Variants in RAI14 observed in about 807,000 individuals in gnomAD.
RAI14 encodes the protein ankycorbin.
Under a neutral mutation model 115.4 loss-of-function variants are expected in RAI14, and 45 were observed. The ratio of observed to expected loss-of-function variants is 0.39; its 90% confidence interval spans 0.31 to 0.50. The LOEUF is 0.50. Ranked by LOEUF, RAI14 falls within the 20% of genes least tolerant of loss-of-function variation. The probability of loss-of-function intolerance (pLI) is 0.85; values close to 1 mark genes in which losing one functional copy is unlikely to be tolerated. For missense variants in RAI14, 939 were observed against 1,131.2 expected (o/e 0.83, Z 2.44); for synonymous variants, 371 against 415.4 (o/e 0.89, Z 1.30).
In RAI14 at chr5:34,686,915, TAAA is replaced by T; in HGVS notation, c.-4_-2del. 4.3e-6 allele frequency: 7 copies of T among 1,613,752 alleles called. No individual in the cohort carries two copies. Among genetic ancestry groups the T allele is most frequent in the Non-Finnish European group, 5.9e-6 (7 of 1,179,804 alleles). ...TAGAGCTTTGGAAGGCTGAATGCAC[TAAA>T]CATGAAGAGCTTGAAAGCGAAGTTC... On this transcript the variant is annotated 5_prime_UTR_variant, in exon 2 of 18. It removes the in-frame stop codon of an upstream open reading frame in the 5' UTR. Transcript: ENST00000265109.
At chr5:34,801,110 G>A (rs1309620454) in intron 4 of RAI14, among the ~76,000 whole-genome samples, 1 of 152,166 alleles carries the variant, frequency 6.6e-6, no homozygotes, top group East Asian at 1.9e-4. Context: ...AATATAACAG[G>A]AGGAGGAGGA....
chr5:34,681,235 A>C (rs1744357892), intron 1 of RAI14, among the ~76,000 whole-genome samples: 1 of 152,222 alleles, frequency 6.6e-6, no homozygotes, highest in Non-Finnish European at 1.5e-5. Flanking sequence ...TTAAAATTCC[A>C]TTTTTGTTGC....
intron 2 of RAI14, among the ~76,000 whole-genome samples, chr5:34,756,088 C>T (rs1225848955): frequency 6.6e-6 from 1 of 152,196 alleles, no homozygotes; most frequent in East Asian, 1.9e-4. Flanking sequence ...CTGAGACGTT[C>T]AGAGATGCAA....
intron 2 of RAI14, chr5:34,732,966 G>C (rs1018814488): frequency 6.6e-6 from 1 of 151,996 alleles, no homozygotes; most frequent in African/African-American, 2.4e-5. Flanking sequence ...TGAGAGCCTG[G>C]AGAGTAACTT....
chr5:34,798,361 T>TGA, intron 4 of RAI14, among the ~76,000 whole-genome samples: 1 of 149,998 alleles, frequency 6.7e-6, no homozygotes, highest in East Asian at 1.9e-4. Context: ...TTTTTTTTTT[T>TGA]AATACATGCT....
intron 3 of RAI14, among the ~76,000 whole-genome samples, chr5:34,789,104 G>A (rs1752644227): frequency 6.6e-6 from 1 of 152,138 alleles, no homozygotes; most frequent in Non-Finnish European, 1.5e-5. Context: ...CCATGAGAGG[G>A]CACCAGTCAT....
chr5:34,736,858 A>G (rs1744940671), intron 2 of RAI14, among the ~76,000 whole-genome samples: 1 of 152,186 alleles, frequency 6.6e-6, no homozygotes, highest in African/African-American at 2.4e-5. Context: ...CTAGTGATTG[A>G]GTAATTCAGG....
intron 1 of RAI14, among the ~76,000 whole-genome samples, chr5:34,675,149 C>T (rs1186643043): frequency 6.6e-6 from 1 of 152,080 alleles, no homozygotes; most frequent in Non-Finnish European, 1.5e-5. Context: ...CCCACCCCTG[C>T]CTCCCAAAGT....
At chr5:34,671,200 A>G (rs1743595713) in intron 1 of RAI14, among the ~76,000 whole-genome samples, 1 of 152,098 alleles carries the variant, frequency 6.6e-6, no homozygotes, top group Non-Finnish European at 1.5e-5. Context: ...GGCACCAGGT[A>G]AAGGGGGTGA....
At chr5:34,811,590 A>AAAC (rs1367855932) in intron 8 of RAI14, among the ~76,000 whole-genome samples, 177 bp from the exon 9 acceptor site, 1 of 151,986 alleles carries the variant, frequency 6.6e-6, no homozygotes, top group Non-Finnish European at 1.5e-5. Flanking sequence ...TTTAAAAAAA[A>AAAC]AAAAAACCAC....
chr5:34,667,743 G>T (rs1743326030), intron 1 of RAI14, among the ~76,000 whole-genome samples: 1 of 152,096 alleles, frequency 6.6e-6, no homozygotes, highest in African/African-American at 2.4e-5. Flanking sequence ...GGTAAAAATT[G>T]GGAGTTCCAG....
At chr5:34,689,857 G>A (rs1738353144) in intron 2 of RAI14, among the ~76,000 whole-genome samples, 1 of 152,110 alleles carries the variant, frequency 6.6e-6, no homozygotes, top group East Asian at 1.9e-4. Context: ...TGGGCAACAA[G>A]AGTGAAACTC....
rs1320557871 is a variant in RAI14 at position 34,775,803 on chromosome 5, C to T, written c.167+18205C>T. On this transcript the variant is annotated intron_variant, in intron 3 of 17. Coordinates refer to ENST00000265109, the MANE Select transcript of RAI14 (RefSeq NM_015577.3). ...GCAAGGATATGGGGAAAAGGGAACC[C>T]TCATACACTGTTGGGGAGAATGTAA... Among the ~76,000 whole-genome samples the T allele has an allele frequency of 2.0e-5, 3 of 152,170 alleles. No individual in the cohort carries two copies. In the East Asian group the frequency reaches 5.8e-4, roughly 29 times the overall value.
intron 6 of RAI14, 100 bp downstream of exon 6, chr5:34,807,957 T>C: frequency 2.2e-6 from 2 of 922,404 alleles, no homozygotes; most frequent in Non-Finnish European, 1.8e-6. Flanking sequence ...TTCCTGGTGC[T>C]CTTTTCTGTC....
chr5:34,785,764 C>G (rs562515867), intron 3 of RAI14, among the ~76,000 whole-genome samples: 4 of 152,162 alleles, frequency 2.6e-5, no homozygotes, highest in South Asian at 2.1e-4. Flanking sequence ...TCCTCCTGTT[C>G]GTTTAATTTC....
intron 3 of RAI14, among the ~76,000 whole-genome samples, chr5:34,795,736 C>T (rs336463): frequency 0.43 from 65,866 of 151,584 alleles, 14,781 homozygotes; most frequent in Non-Finnish European, 0.49. Context: ...AAGCTGTCAA[C>T]GAGGAAATTA....
At chr5:34,821,609 T>G in intron 13 of RAI14, 123 bp from the exon 14 acceptor site, 1 of 635,174 alleles carries the variant, frequency 1.6e-6, no homozygotes, top group Non-Finnish European at 2.8e-6. Flanking sequence ...ATCCAGCTGC[T>G]AGGGCGTTTT....
Position 34,725,962 on chromosome 5 carries a change from C to CAAAA in RAI14, c.37-31493_37-31490dup, listed in dbSNP as rs199657623. Among the ~76,000 whole-genome samples, 861 of 113,658 alleles carry CAAAA rather than the reference C, an allele frequency of 7.6e-3. 15 individuals carry two copies. The highest frequency in any genetic ancestry group is 0.026 in the South Asian group (79 of 3,024). 74.6% of individuals were successfully genotyped at this position (113,658 alleles called of 152,430 possible). Reference sequence around the variant, plus strand: ...GGGCAACAGGAGCGAAACTGCTTCTCAAAAAAAAAAAAAAAAGCCACAAAT... The same window carrying CAAAA: ...GGGCAACAGGAGCGAAACTGCTTCTCAAAAAAAAAAAAAAAAAAAAGCCACAAAT... On this transcript the variant is annotated intron_variant, in intron 2 of 17. Coordinates refer to ENST00000265109, the MANE Select transcript of RAI14 (RefSeq NM_015577.3).
intron 2 of RAI14, among the ~76,000 whole-genome samples, chr5:34,752,880 G>C (rs1747311216): frequency 6.6e-6 from 1 of 151,250 alleles, no homozygotes; most frequent in Non-Finnish European, 1.5e-5. Context: ...CGATTCTCCT[G>C]CCTCAGAATC....
Sources: allele counts gnomAD v4.1 joint callset (sites outside exome capture counted in the v4.1 genomes callset), GRCh38; gene constraint gnomAD v4.1.1; transcripts MANE v1.5; gene names NCBI Gene and HGNC (gene_info 2026-07-23, HGNC 2026-07-21).